MYO18B: variants seen among roughly 807,000 people sequenced by gnomAD.
The protein encoded by MYO18B is myosin XVIIIB.
In MYO18B, 204 loss-of-function variants were observed where a neutral mutation model predicts 273.0. The ratio of observed to expected loss-of-function variants is 0.75; its 90% CI spans 0.67 to 0.84. The LOEUF (loss-of-function observed/expected upper bound fraction) is 0.84. MYO18B is among the 40% of genes least tolerant of loss of function. The pLI, the probability that MYO18B is intolerant of heterozygous loss-of-function variation, is 0.00. For missense variants in MYO18B, 3,212 were observed against 3,287.6 expected, an observed-to-expected ratio of 0.98 and a Z score of 0.56; for synonymous variants, 1,330 against 1,305.7, an observed-to-expected ratio of 1.02 and a Z score of -0.40.
At chr22:25,743,094 G>A (rs2146509657) in intron 1 of MYO18B, among the ~76,000 whole-genome samples, 1 of 152,358 alleles carries the variant, frequency 6.6e-6, no homozygotes, top group African/African-American at 2.4e-5. Flanking sequence ...GGCCCGGAAT[G>A]GGGAGCCCAG....
In MYO18B at chr22:25,933,736, G is replaced by A. The variant is rs1416101695; in HGVS notation, c.5517+12327G>A. On this transcript the variant is annotated intron_variant, in intron 34 of 43. Transcript: ENST00000335473. ...TTATCTTATCCATGTTGCTGTTTAT[G>A]GATATGTGGGTTTTGTCTAGGTTTT... Among the ~76,000 whole-genome samples, 3 of 152,288 alleles carry A rather than the reference G, an allele frequency of 2.0e-5. No homozygotes were observed. The East Asian group carries it at 5.8e-4, about 29-fold the overall frequency.
At chr22:26,000,236 C>T (rs990543750) in intron 40 of MYO18B, among the ~76,000 whole-genome samples, 26 of 152,092 alleles carry the variant, frequency 1.7e-4, no homozygotes, top group Non-Finnish European at 3.5e-4. Context: ...GTGTTTCAAA[C>T]GTCCTCCTTA....
At chr22:25,777,888 AC>A in intron 8 of MYO18B, 107 bp downstream of exon 8, 1 of 1,143,808 alleles carries the variant, frequency 8.7e-7, no homozygotes, top group Non-Finnish European at 1.2e-6. Flanking sequence ...TTCACTGAGC[AC>A]CAGATATGTG....
the MYO18B span, among the ~76,000 whole-genome samples, chr22:26,061,004 CAT>C: frequency 5.2e-5 from 5 of 96,744 alleles, no homozygotes; most frequent in African/African-American, 3.9e-4. Flanking sequence ...TATGCACACA[CAT>C]ACACACACAC....
intron 25 of MYO18B, among the ~76,000 whole-genome samples, chr22:25,880,806 G>C (rs2091312622): frequency 6.6e-6 from 1 of 152,200 alleles, no homozygotes; most frequent in South Asian, 2.1e-4. Flanking sequence ...GTTAAGCATG[G>C]GCTCTATTTG....
At chr22:25,996,210 G>T (rs189664459) in intron 40 of MYO18B, among the ~76,000 whole-genome samples, 1 of 152,320 alleles carries the variant, frequency 6.6e-6, no homozygotes, top group Non-Finnish European at 1.5e-5. Context: ...TTAATAATAA[G>T]AAGCAAGTGA....
At chr22:25,875,887 T>A (rs1198847903) in intron 23 of MYO18B, among the ~76,000 whole-genome samples, 1 of 152,258 alleles carries the variant, frequency 6.6e-6, no homozygotes, top group East Asian at 1.9e-4. Context: ...TGTAACCTAT[T>A]GTATAGTTTC....
rs371844616 is a variant in MYO18B, at chr22:25,781,754, C to T, written c.2232C>T (p.Ser744=). ...AQLQTMLLEK[S]RVARQPEGES... The stretch of plus-strand genomic sequence containing the variant: ...TGCAGACAATGCTTTTGGAGAAGAG[C>T]CGCGTGGCACGGCAGCCGGAAGGGG... Residue 744 remains serine, a synonymous_variant, in exon 10 of 44, where the codon AGC becomes AGT. Coordinates refer to ENST00000335473, the MANE Select transcript of MYO18B (RefSeq NM_032608.7). The T allele has an allele frequency of 2.3e-4, 369 of 1,578,764 alleles. No individual in the cohort carries two copies. The highest frequency in any genetic ancestry group is 3.1e-4 in the Non-Finnish European group (358 of 1,163,744).
Position 26,027,005 on chromosome 22 carries a change from C to T in MYO18B, c.7031C>T (p.Ser2344Leu), listed in dbSNP as rs758352080. The T allele has an allele frequency of 9.3e-6, 15 of 1,613,968 alleles. No individual in the cohort carries two copies. Among genetic ancestry groups the T allele is most frequent in the East Asian group, 2.2e-5 (1 of 44,870 alleles). Residue 2344 changes from serine (S) to leucine (L), a missense_variant, in exon 43 of 44, where the codon TCG becomes TTG. By Grantham distance (145) the Ser-to-Leu change is moderately radical (BLOSUM62 -2). Coordinates refer to ENST00000335473, the MANE Select transcript of MYO18B (RefSeq NM_032608.7). This position sits in a 1 kb window ranked among gnomAD's most constrained non-coding sequence, Gnocchi z 4.1. ...GGCACAACCCTACTCCCCGAAAAGT[C>T]GAAAACCCAATTCAGTTCCTGCGAG... ...VGGTTLLPEK[S>L]KTQFSSCESL...
rs200288238 is a variant in MYO18B, at chr22:25,755,951, GC to G, written c.-109-5032del. Among the ~76,000 whole-genome samples the G allele has an allele frequency of 4.7e-3, 720 of 151,718 alleles. 2 individuals carry two copies. Among genetic ancestry groups the G allele is most frequent in the Admixed American group, 9.7e-3 (148 of 15,250 alleles). On this transcript the variant is annotated intron_variant, in intron 1 of 43. Coordinates refer to ENST00000335473, the MANE Select transcript of MYO18B (RefSeq NM_032608.7). ...CCACCCCCGTTGCCCAGGCTGGAGT[GC>G]AGTGGCACGATGTCAGCTCACTGCA...
intron 12 of MYO18B, among the ~76,000 whole-genome samples, chr22:25,800,418 G>T (rs1032162911): frequency 6.6e-6 from 1 of 152,240 alleles, no homozygotes; most frequent in Non-Finnish European, 1.5e-5. Context: ...CTCACTCAAC[G>T]TCCTGGTCAC....
At chr22:25,979,985 C>G (rs2093132955) in intron 39 of MYO18B, among the ~76,000 whole-genome samples, 1 of 152,162 alleles carries the variant, frequency 6.6e-6, no homozygotes, top group African/African-American at 2.4e-5. Flanking sequence ...ACTGAAGTAG[C>G]TGGAATGATG....
chr22:25,988,068 G>A (rs6004876), intron 39 of MYO18B, among the ~76,000 whole-genome samples: 4,016 of 152,004 alleles, frequency 0.026, 76 homozygotes, highest in Middle Eastern at 0.037. Flanking sequence ...AGCCAAGCCC[G>A]AGCAAGCGTG....
At chr22:25,869,409 C>T (rs750887650) in intron 22 of MYO18B, among the ~76,000 whole-genome samples, 7 of 139,500 alleles carry the variant, frequency 5.0e-5, no homozygotes, top group South Asian at 4.6e-4. Flanking sequence ...GAGATCGTGC[C>T]ACTGTACTCC....
intron 21 of MYO18B, among the ~76,000 whole-genome samples, chr22:25,856,756 G>A (rs2090585126): frequency 6.6e-6 from 1 of 152,302 alleles, no homozygotes; most frequent in South Asian, 2.1e-4. Flanking sequence ...GCCAAGTAAA[G>A]GGGCTGAGGA....
chr22:26,032,517 G>GTTTT (rs869157490), downstream of MYO18B, among the ~76,000 whole-genome samples: 25 of 117,594 alleles, frequency 2.1e-4, no homozygotes, highest in African/African-American at 6.8e-4. Context: ...TAATCACCCT[G>GTTTT]TTTTTTTTTT....
rs537953779 is a variant in MYO18B at position 25,895,939 on chromosome 22, C to T, written c.4668+659C>T. On this transcript the variant is annotated intron_variant, in intron 28 of 43. Coordinates refer to ENST00000335473, the MANE Select transcript of MYO18B (RefSeq NM_032608.7). ...ATTGTGGAATGTTTTTTTTTTTTTCCGCTCCCAGTGAATTTTTGTGTGTGT... is the reference window on the plus strand; with the variant it reads ...ATTGTGGAATGTTTTTTTTTTTTTCTGCTCCCAGTGAATTTTTGTGTGTGT... Among the ~76,000 whole-genome samples the T allele has an allele frequency of 1.8e-4, 27 of 150,298 alleles. No homozygotes were observed. In the South Asian group the frequency reaches 5.0e-3, roughly 28 times the overall value.
At chr22:25,925,652 C>T (rs1191401618) in intron 34 of MYO18B, among the ~76,000 whole-genome samples, 2 of 152,100 alleles carry the variant, frequency 1.3e-5, no homozygotes, top group African/African-American at 2.4e-5. Flanking sequence ...CACCTGTAAT[C>T]CCAGCACTTT....
At chr22:25,869,326 T>C (rs1322847091) in intron 22 of MYO18B, among the ~76,000 whole-genome samples, 1 of 151,582 alleles carries the variant, frequency 6.6e-6, no homozygotes, top group Admixed American at 6.6e-5. Context: ...GGTGTGCGCC[T>C]GTAATCCCAG....
Sources: gnomAD v4.1 joint callset for allele counts (sites outside exome capture counted in the v4.1 genomes callset) on GRCh38, gnomAD v4.1.1 for gene constraint, Gnocchi (gnomAD v3.1) non-coding constraint, MANE v1.5 for transcripts, NCBI Gene and HGNC (gene_info 2026-07-23, HGNC 2026-07-21) for gene names.